The following OSBP2 variants were observed in gnomAD, a reference collection of about 807,000 sequenced individuals.
The protein encoded by OSBP2 is oxysterol binding protein 2, also known as oxysterol-binding protein 2.
In OSBP2, 66 loss-of-function variants were observed where a neutral mutation model predicts 96.0. The observed-to-expected ratio is 0.69, with a 90% confidence interval of 0.56 to 0.84. OSBP2 has a LOEUF of 0.84. Ranked by LOEUF, OSBP2 falls within the 40% of genes least tolerant of loss-of-function variation. The pLI is 0.00. For missense variants in OSBP2, 1,038 were observed against 1,222.7 expected (o/e 0.85, Z 2.25); for synonymous variants, 525 against 520.9 (o/e 1.01, Z -0.11).
At chr22:30,863,424 C>A (rs1025689546) in intron 2 of OSBP2, among the ~76,000 whole-genome samples, 4 of 152,164 alleles carry the variant, frequency 2.6e-5, no homozygotes, top group African/African-American at 9.6e-5. Context: ...GACACCACTG[C>A]GCTGTTTCTC....
At chr22:30,865,548 C>T (rs984023810) in intron 2 of OSBP2, among the ~76,000 whole-genome samples, 1 of 143,470 alleles carries the variant, frequency 7.0e-6, no homozygotes, top group Non-Finnish European at 1.5e-5. Flanking sequence ...AGGAGAATTG[C>T]ATGAACCCAG....
intron 2 of OSBP2, among the ~76,000 whole-genome samples, chr22:30,743,782 T>C (rs2145743745): frequency 6.6e-6 from 1 of 152,284 alleles, no homozygotes; most frequent in South Asian, 2.1e-4. Flanking sequence ...CGGCAACAGT[T>C]TTCCTACGAC....
chr22:30,817,007 T>C (rs2091091452), intron 2 of OSBP2, among the ~76,000 whole-genome samples: 2 of 152,186 alleles, frequency 1.3e-5, no homozygotes, highest in Non-Finnish European at 2.9e-5. Flanking sequence ...AGTGCTGAGA[T>C]TACAGGCATG....
intron 2 of OSBP2, among the ~76,000 whole-genome samples, chr22:30,818,848 A>C (rs753939322): frequency 1.3e-5 from 2 of 152,210 alleles, no homozygotes; most frequent in African/African-American, 4.8e-5. Context: ...AGGAAAGCAA[A>C]GAGTTCAAAG....
intron 2 of OSBP2, among the ~76,000 whole-genome samples, chr22:30,758,608 G>A (rs1226256041): frequency 1.3e-5 from 2 of 152,114 alleles, no homozygotes; most frequent in Non-Finnish European, 2.9e-5. Flanking sequence ...AACTCCTGGA[G>A]AAGCCCTCTA....
chr22:30,841,581 G>A (rs2038754148), intron 2 of OSBP2, among the ~76,000 whole-genome samples: 1 of 152,192 alleles, frequency 6.6e-6, no homozygotes, highest in Non-Finnish European at 1.5e-5. Context: ...TCCAGATAAA[G>A]CAATAAGTGC....
chr22:30,776,453 T>C (rs186854766), intron 2 of OSBP2, among the ~76,000 whole-genome samples: 1 of 152,322 alleles, frequency 6.6e-6, no homozygotes. Context: ...TGGTGCATGA[T>C]ATTTCATTAA....
intron 2 of OSBP2, among the ~76,000 whole-genome samples, chr22:30,766,931 G>GCT (rs746239171): frequency 4.6e-5 from 7 of 151,988 alleles, no homozygotes; most frequent in Non-Finnish European, 8.8e-5. Flanking sequence ...GGGCCAAGTG[G>GCT]CTCACTCTTT....
intron 2 of OSBP2, among the ~76,000 whole-genome samples, chr22:30,846,806 A>G (rs1026694162): frequency 1.3e-5 from 2 of 152,066 alleles, no homozygotes; most frequent in Admixed American, 1.3e-4. Context: ...CTCACTTAAT[A>G]TGTGTTATAC....
At chr22:30,838,426 C>A (rs886353437) in intron 2 of OSBP2, among the ~76,000 whole-genome samples, 1 of 152,196 alleles carries the variant, frequency 6.6e-6, no homozygotes, top group African/African-American at 2.4e-5. Context: ...TATAAACCCA[C>A]AAAACAAATA....
intron 3 of OSBP2, among the ~76,000 whole-genome samples, chr22:30,873,694 T>C (rs1474755394): frequency 6.6e-6 from 1 of 152,186 alleles, no homozygotes; most frequent in Admixed American, 6.5e-5. Context: ...TGCCACTGGC[T>C]CCTCGGACAG....
Position 30,794,914 on chromosome 22 carries a change from C to CTT in OSBP2, c.853+53558_853+53559dup, listed in dbSNP as rs74541007. 6.5e-3 allele frequency among the ~76,000 whole-genome samples: 939 copies of CTT among 143,408 alleles called. 12 individuals are homozygous for CTT. Among genetic ancestry groups the CTT allele is most frequent in the African/African-American group, 0.021 (827 of 38,776 alleles). 94.1% of individuals were successfully genotyped at this position (143,408 alleles called of 152,430 possible). ...TAAGCAATCAATATTTATATAACTA[C>CTT]TTTTTTTTTTTTTTGAGACAGAGTC... On this transcript the variant is annotated intron_variant, in intron 2 of 13. Coordinates refer to ENST00000332585, the MANE Select transcript of OSBP2 (RefSeq NM_030758.4).
At chr22:30,704,369 C>T (rs1416564537) in intron 1 of OSBP2, among the ~76,000 whole-genome samples, 1 of 152,184 alleles carries the variant, frequency 6.6e-6, no homozygotes, top group Non-Finnish European at 1.5e-5. Context: ...AATCCCTCCA[C>T]CACCGAGTTG....
chr22:30,767,604 G>C, intron 2 of OSBP2, among the ~76,000 whole-genome samples: 1 of 151,332 alleles, frequency 6.6e-6, no homozygotes, highest in Middle Eastern at 3.2e-3. Flanking sequence ...AATTAACAGT[G>C]GGTTGGAATG....
chr22:30,885,643 T>G (rs1047209829), intron 3 of OSBP2, among the ~76,000 whole-genome samples: 2 of 152,216 alleles, frequency 1.3e-5, no homozygotes, highest in Admixed American at 6.5e-5. Flanking sequence ...GAACGTGGCT[T>G]TCCTTCCTTC....
chr22:30,902,266 C>T (rs112825878), intron 12 of OSBP2: 52 of 1,586,638 alleles, frequency 3.3e-5, no homozygotes, highest in African/African-American at 2.0e-4. Flanking sequence ...TGGTTCAGGG[C>T]GACATAGATG....
At chr22:30,903,706 C>T (rs570215193) in intron 12 of OSBP2, among the ~76,000 whole-genome samples, 11 of 152,336 alleles carry the variant, frequency 7.2e-5, no homozygotes, top group South Asian at 4.1e-4. Context: ...GGGATAGCGC[C>T]GGCACTGCGC....
chr22:30,834,899 T>G (rs556233900), intron 2 of OSBP2, among the ~76,000 whole-genome samples: 16 of 152,042 alleles, frequency 1.1e-4, no homozygotes, highest in Non-Finnish European at 1.8e-4. Flanking sequence ...CACTGCAACC[T>G]CTGCCTCCTG....
At chr22:30,862,629 G>A (rs954293678) in intron 2 of OSBP2, among the ~76,000 whole-genome samples, 4 of 152,038 alleles carry the variant, frequency 2.6e-5, no homozygotes, top group African/African-American at 9.7e-5. Flanking sequence ...GCAGTGAGCC[G>A]AGATCGTGCC....
Sources: allele counts gnomAD v4.1 joint callset (sites outside exome capture counted in the v4.1 genomes callset), GRCh38; gene constraint gnomAD v4.1.1; transcripts MANE v1.5; gene names NCBI Gene and HGNC (gene_info 2026-07-23, HGNC 2026-07-21).